The following GDI2 variants were observed in gnomAD, a reference collection of about 807,000 sequenced individuals.
GDI2 encodes GDP dissociation inhibitor 2, also known as rab GDP dissociation inhibitor beta.
Under a neutral mutation model 54.2 loss-of-function variants are expected in GDI2, and 22 were observed. The ratio of observed to expected loss-of-function variants is 0.41; its 90% CI spans 0.29 to 0.58. The LOEUF (loss-of-function observed/expected upper bound fraction) is 0.58. Among genes scored for constraint, GDI2 ranks in the 20% least tolerant of loss-of-function variants. GDI2 has a pLI of 0.35. For synonymous variants in GDI2, 177 were observed against 182.1 expected, an observed-to-expected ratio of 0.97 and a Z score of 0.23; for missense variants, 422 against 546.0, an observed-to-expected ratio of 0.77 and a Z score of 2.26.
At chr10:5,770,886 A>C (rs1031676392) in intron 7 of GDI2, among the ~76,000 whole-genome samples, 1 of 148,730 alleles carries the variant, frequency 6.7e-6, no homozygotes, top group Non-Finnish European at 1.5e-5. Flanking sequence ...GAATTGCTTG[A>C]ACCTAGGAGG....
At chr10:5,789,640 C>CA (rs1055838444) in intron 4 of GDI2, among the ~76,000 whole-genome samples, 3 of 151,714 alleles carry the variant, frequency 2.0e-5, no homozygotes, top group Non-Finnish European at 4.4e-5. Context: ...CTAGAAATAC[C>CA]AAAAAAATTA....
Position 5,776,447 on chromosome 10 carries a change from AT to A in GDI2, c.720-2507del, listed in dbSNP as rs1273130628. 1 of 870,332 alleles carries A rather than the reference AT, an allele frequency of 1.1e-6. No individual in the cohort carries two copies. The highest frequency in any genetic ancestry group is 2.4e-5 in the East Asian group (1 of 41,346). 53.9% of individuals were successfully genotyped at this position (870,332 alleles called of 1,614,324 possible). On this transcript the variant is annotated intron_variant, in intron 6 of 10. Coordinates refer to ENST00000380191, the MANE Select transcript of GDI2 (RefSeq NM_001494.4). This position sits in a 1 kb window ranked among gnomAD's most constrained non-coding sequence, Gnocchi z 5.3. ...TTGACAGGGATCCAGACACGCTACTATTTTTACTTTAGCAAAAGAGTGAGCC... is the reference window on the plus strand; with the variant it reads ...TTGACAGGGATCCAGACACGCTACTATTTTACTTTAGCAAAAGAGTGAGCC...
intron 6 of GDI2, among the ~76,000 whole-genome samples, chr10:5,781,066 A>G (rs1401805466): frequency 6.6e-6 from 1 of 152,106 alleles, no homozygotes; most frequent in East Asian, 1.9e-4. Context: ...ACTGAGTCCC[A>G]AAACAAACTC....
At chr10:5,799,151 G>A (rs1283483899) in intron 2 of GDI2, among the ~76,000 whole-genome samples, 2 of 152,014 alleles carry the variant, frequency 1.3e-5, no homozygotes, top group African/African-American at 2.4e-5. Context: ...AGACCAGCCT[G>A]GGCAACACAG....
At chr10:5,800,906 C>T (rs1564398271) in intron 1 of GDI2, among the ~76,000 whole-genome samples, 2 of 152,002 alleles carry the variant, frequency 1.3e-5, no homozygotes, top group Non-Finnish European at 2.9e-5. Context: ...AAGATTAAAA[C>T]TGTTTCATAA....
At chr10:5,792,479 T>C (rs1004286424) in intron 4 of GDI2, among the ~76,000 whole-genome samples, 1 of 152,188 alleles carries the variant, frequency 6.6e-6, no homozygotes, top group African/African-American at 2.4e-5. Flanking sequence ...CACCTTTCCT[T>C]ACCCCATTCC....
intron 2 of GDI2, among the ~76,000 whole-genome samples, chr10:5,798,588 CAAAAAAA>C (rs534853983): frequency 1.0e-5 from 1 of 95,274 alleles, no homozygotes; most frequent in Admixed American, 1.2e-4. Context: ...GACTCCATCT[CAAAAAAA>C]AAAAAAAGAA....
intron 4 of GDI2, among the ~76,000 whole-genome samples, chr10:5,790,668 T>C (rs1473383481): frequency 1.3e-5 from 2 of 151,972 alleles, no homozygotes; most frequent in South Asian, 2.1e-4. Flanking sequence ...AAAAATCACA[T>C]ACAAAATAAA....
At chr10:5,811,824 A>C in intron 1 of GDI2, 4 of 482,128 alleles carry the variant, frequency 8.3e-6, no homozygotes, top group Non-Finnish European at 1.5e-5. Flanking sequence ...ATATAACTAT[A>C]AACAGAAAAA....
chr10:5,811,818 A>C, intron 1 of GDI2: 1 of 450,370 alleles, frequency 2.2e-6, no homozygotes, highest in Non-Finnish European at 4.1e-6. Flanking sequence ...AATTGCATAT[A>C]ACTATAAACA....
At chr10:5,799,072 T>G (rs190730570) in intron 2 of GDI2, among the ~76,000 whole-genome samples, 1 of 152,288 alleles carries the variant, frequency 6.6e-6, no homozygotes, top group East Asian at 1.9e-4. Context: ...CCAGGCATGG[T>G]GGCTCTCACC....
chr10:5,781,497 C>A (rs548706178), intron 6 of GDI2, among the ~76,000 whole-genome samples: 2 of 151,600 alleles, frequency 1.3e-5, no homozygotes, highest in African/African-American at 4.8e-5. Context: ...CGGTGGCAGG[C>A]GCCTGTAGTC....
At chr10:5,813,162 G>T in intron 1 of GDI2, 52 bp downstream of exon 1, 1 of 1,192,104 alleles carries the variant, frequency 8.4e-7, no homozygotes, top group Non-Finnish European at 1.2e-6. Context: ...CAGGAGCCGG[G>T]GGTGCGCCCG....
Position 5,813,407 on chromosome 10 carries a change from C to T in GDI2, c.-149G>A, listed in dbSNP as rs1201508744. The T allele has an allele frequency of 3.7e-6, 2 of 534,100 alleles. No homozygotes were observed. Among genetic ancestry groups the T allele is most frequent in the Non-Finnish European group, 3.4e-6 (1 of 298,196 alleles). The allele number at this position is 534,100 out of a possible 1,614,324, so 33.1% of individuals were successfully genotyped here. On this transcript the variant is annotated 5_prime_UTR_variant, in exon 1 of 11. Transcript: ENST00000380191. ...GAGCTGGCGACAAGGCGAGACCGACCGCCACCTCAGACGGGAAGAGAAGAA... is the reference window on the plus strand; with the variant it reads ...GAGCTGGCGACAAGGCGAGACCGACTGCCACCTCAGACGGGAAGAGAAGAA...
At chr10:5,771,060 T>A (rs1331742876) in intron 7 of GDI2, among the ~76,000 whole-genome samples, 1 of 149,614 alleles carries the variant, frequency 6.7e-6, no homozygotes, top group Non-Finnish European at 1.5e-5. Context: ...TCAGTGTCTA[T>A]AATGTTTTAA....
At chr10:5,772,756 T>C (rs1198078405) in intron 7 of GDI2, among the ~76,000 whole-genome samples, 2 of 152,122 alleles carry the variant, frequency 1.3e-5, no homozygotes, top group East Asian at 3.9e-4. Context: ...AACGATTTGA[T>C]GTCTCAAATA....
Position 5,777,589 on chromosome 10 carries a change from C to T in GDI2, c.720-3648G>A, listed in dbSNP as rs140780672. Reference sequence around the variant, plus strand: ...AAAACCACAAAACCATGTGAGAAACCGTCTCACGCCAGCTGGAATGGTGAT... The same window carrying T: ...AAAACCACAAAACCATGTGAGAAACTGTCTCACGCCAGCTGGAATGGTGAT... On this transcript the variant is annotated intron_variant, in intron 6 of 10. Coordinates refer to ENST00000380191, the MANE Select transcript of GDI2 (RefSeq NM_001494.4). Among the ~76,000 whole-genome samples, 368 of 152,298 alleles carry T rather than the reference C, an allele frequency of 2.4e-3. 1 individual carries two copies. The highest frequency in any genetic ancestry group is 3.9e-3 in the Non-Finnish European group (263 of 68,034).
intron 7 of GDI2, among the ~76,000 whole-genome samples, chr10:5,770,332 G>A (rs1300948146): frequency 2.0e-5 from 3 of 151,946 alleles, no homozygotes; most frequent in African/African-American, 7.3e-5. Context: ...AGGCCAAGGT[G>A]GGTGGATCAT....
intron 4 of GDI2, among the ~76,000 whole-genome samples, chr10:5,787,604 T>C (rs1840909582): frequency 6.6e-6 from 1 of 152,208 alleles, no homozygotes; most frequent in Non-Finnish European, 1.5e-5. Context: ...ATGGACAGAA[T>C]GTACACACAG....
Sources: allele counts gnomAD v4.1 joint callset (sites outside exome capture counted in the v4.1 genomes callset), GRCh38; gene constraint gnomAD v4.1.1; non-coding constraint Gnocchi (gnomAD v3.1); transcripts MANE v1.5; gene names NCBI Gene and HGNC (gene_info 2026-07-23, HGNC 2026-07-21).